Variants in THSD7B observed in about 807,000 individuals in gnomAD.
THSD7B encodes the protein thrombospondin type-1 domain-containing protein 7B.
A neutral mutation model predicts 213.6 loss-of-function variants in THSD7B; 138 were observed. The ratio of observed to expected loss-of-function variants is 0.65; its 90% CI spans 0.56 to 0.74. The LOEUF (loss-of-function observed/expected upper bound fraction) is 0.74, where lower values mean the gene tolerates loss of function less well. Ranked by LOEUF, THSD7B falls within the 30% of genes least tolerant of loss-of-function variation. The pLI, the probability that THSD7B is intolerant of heterozygous loss-of-function variation, is 0.00. For missense variants in THSD7B, 1,931 were observed against 1,991.5 expected (o/e 0.97, Z 0.58); for synonymous variants, 742 against 687.0 (o/e 1.08, Z -1.25).
At chr2:137,017,758 G>A (rs1215957031) in intron 2 of THSD7B, among the ~76,000 whole-genome samples, 1 of 151,990 alleles carries the variant, frequency 6.6e-6, no homozygotes, top group African/African-American at 2.4e-5. Context: ...ATGCTTTGTG[G>A]CTTTTTCAAT....
chr2:137,507,128 A>G (rs1679853909), intron 15 of THSD7B, among the ~76,000 whole-genome samples: 1 of 152,174 alleles, frequency 6.6e-6, no homozygotes, highest in African/African-American at 2.4e-5. Flanking sequence ...CATTCATACA[A>G]AATCTGGCCT....
intron 10 of THSD7B, among the ~76,000 whole-genome samples, chr2:137,247,704 T>G (rs1383020437): frequency 2.0e-5 from 3 of 152,108 alleles, no homozygotes; most frequent in Non-Finnish European, 4.4e-5. Context: ...GGAAACCTCA[T>G]TTGGTGGAAT....
chr2:136,767,019 CGT>C (rs1681411114), intron 1 of THSD7B, among the ~76,000 whole-genome samples: 1 of 151,416 alleles, frequency 6.6e-6, no homozygotes, highest in Non-Finnish European at 1.5e-5. Flanking sequence ...TGCGTGTGAA[CGT>C]GTGTGTTTGG....
At chr2:137,422,000 T>C (rs971421934) in intron 14 of THSD7B, among the ~76,000 whole-genome samples, 13 of 152,236 alleles carry the variant, frequency 8.5e-5, no homozygotes, top group African/African-American at 2.9e-4. Flanking sequence ...TGGGCTGTTT[T>C]TCACCATACC....
At chr2:137,418,097 GTTTGT>G (rs1270635410) in intron 14 of THSD7B, among the ~76,000 whole-genome samples, 1 of 152,142 alleles carries the variant, frequency 6.6e-6, no homozygotes, top group East Asian at 1.9e-4. Flanking sequence ...TGCTACTTTT[GTTTGT>G]TTTAACATGA....
chr2:137,656,768 C>G, intron 22 of THSD7B, 28 bp from the exon 23 acceptor site: 1 of 1,587,632 alleles, frequency 6.3e-7, no homozygotes, highest in African/African-American at 1.4e-5. Context: ...ATGCTGTTTT[C>G]TCCACCCTGT....
At chr2:137,224,067 C>T (rs147063728) in intron 7 of THSD7B, among the ~76,000 whole-genome samples, 34 of 152,240 alleles carry the variant, frequency 2.2e-4, no homozygotes, top group African/African-American at 2.2e-4. Flanking sequence ...TTCTTTATAA[C>T]AGTGTGAGAA....
At chr2:136,986,959 A>G (rs1685684081) in intron 2 of THSD7B, among the ~76,000 whole-genome samples, 1 of 152,242 alleles carries the variant, frequency 6.6e-6, no homozygotes, top group Non-Finnish European at 1.5e-5. Flanking sequence ...CCCAGAGTCC[A>G]GAGACGTTAG....
At chr2:137,532,762 T>C (rs1208881273) in intron 15 of THSD7B, among the ~76,000 whole-genome samples, 1 of 151,694 alleles carries the variant, frequency 6.6e-6, no homozygotes, top group African/African-American at 2.4e-5. Context: ...TTTTTAATAA[T>C]GAATAATTTA....
At chr2:137,158,457 C>T (rs1679950514) in intron 5 of THSD7B, among the ~76,000 whole-genome samples, 1 of 152,162 alleles carries the variant, frequency 6.6e-6, no homozygotes, top group African/African-American at 2.4e-5. Flanking sequence ...CAAACTGTAA[C>T]ATTTACATTG....
chr2:137,367,954 A>C (rs1685459190), intron 12 of THSD7B, among the ~76,000 whole-genome samples: 2 of 152,140 alleles, frequency 1.3e-5, no homozygotes, highest in African/African-American at 4.8e-5. Flanking sequence ...GGATACAACT[A>C]ATGGATTTGG....
At chr2:137,125,378 T>C (rs1291299043) in intron 5 of THSD7B, among the ~76,000 whole-genome samples, 1 of 152,214 alleles carries the variant, frequency 6.6e-6, no homozygotes, top group Non-Finnish European at 1.5e-5. Context: ...TGAGAGCATC[T>C]TCACCAGGAG....
At chr2:137,511,085 C>T (rs1679953712) in intron 15 of THSD7B, among the ~76,000 whole-genome samples, 1 of 152,134 alleles carries the variant, frequency 6.6e-6, no homozygotes, top group Non-Finnish European at 1.5e-5. Context: ...TGTCACAGAT[C>T]TCTGTTTATT....
At chr2:137,435,834 C>T (rs1349753) in intron 14 of THSD7B, among the ~76,000 whole-genome samples, 87,523 of 151,864 alleles carry the variant, frequency 0.58, 27,877 homozygotes, top group East Asian at 0.77. Context: ...CATGGCTCCT[C>T]ACTGTAGGAT....
intron 2 of THSD7B, among the ~76,000 whole-genome samples, chr2:137,039,052 G>A (rs567322338): frequency 6.6e-6 from 1 of 152,298 alleles, no homozygotes; most frequent in South Asian, 2.1e-4. Context: ...TAAAAACAGA[G>A]GATGGGTAAA....
intron 12 of THSD7B, among the ~76,000 whole-genome samples, chr2:137,391,582 G>C (rs1277165438): frequency 6.6e-6 from 1 of 151,822 alleles, no homozygotes; most frequent in Non-Finnish European, 1.5e-5. Context: ...CATCTATTGG[G>C]AGGCTGAGGC....
intron 17 of THSD7B, among the ~76,000 whole-genome samples, chr2:137,580,973 G>T (rs1337061959): frequency 6.6e-6 from 1 of 152,126 alleles, no homozygotes; most frequent in East Asian, 1.9e-4. Flanking sequence ...CAACATTGGG[G>T]ATTACAATTC....
intron 1 of THSD7B, among the ~76,000 whole-genome samples, chr2:136,769,542 C>T (rs967080967): frequency 2.0e-5 from 3 of 152,104 alleles, no homozygotes; most frequent in African/African-American, 4.8e-5. Context: ...TGAATCTAAG[C>T]GTGGTTTGTA....
chr2:136,904,086 T>A (rs1401816658), intron 2 of THSD7B, among the ~76,000 whole-genome samples: 2 of 152,010 alleles, frequency 1.3e-5, no homozygotes, highest in East Asian at 3.9e-4. Context: ...GAGGGAAGAA[T>A]AAGAGGAGGC....
Sources: allele counts gnomAD v4.1 joint callset (sites outside exome capture counted in the v4.1 genomes callset), GRCh38; gene constraint gnomAD v4.1.1; transcripts MANE v1.5; gene names NCBI Gene and HGNC (gene_info 2026-07-23, HGNC 2026-07-21).